Variants in ARHGAP42 observed in about 807,000 individuals in gnomAD.
ARHGAP42 encodes the protein Rho GTPase activating protein 42.
In ARHGAP42, 63 loss-of-function variants were observed where a neutral mutation model predicts 125.0. The observed-to-expected ratio is 0.50, with a 90% confidence interval of 0.41 to 0.62. ARHGAP42 has a LOEUF of 0.62. Among genes scored for constraint, ARHGAP42 ranks in the 20% least tolerant of loss-of-function variants. The pLI, the probability that ARHGAP42 is intolerant of heterozygous loss-of-function variation, is 0.00. For missense variants in ARHGAP42, 766 were observed against 1,024.2 expected, an observed-to-expected ratio of 0.75 and a Z score of 3.44; for synonymous variants, 339 against 351.0, an observed-to-expected ratio of 0.97 and a Z score of 0.38.
intron 5 of ARHGAP42, among the ~76,000 whole-genome samples, chr11:100,917,430 C>A (rs564318973): frequency 5.9e-5 from 9 of 152,256 alleles, no homozygotes; most frequent in Admixed American, 4.6e-4. Context: ...TTGCAATGTC[C>A]TCTGTCTGGT....
At chr11:100,909,047 T>C (rs1458642644) in intron 4 of ARHGAP42, among the ~76,000 whole-genome samples, 3 of 152,198 alleles carry the variant, frequency 2.0e-5, no homozygotes, top group African/African-American at 4.8e-5. Flanking sequence ...GAAGTATCTA[T>C]TCATATCCTC....
intron 10 of ARHGAP42, among the ~76,000 whole-genome samples, chr11:100,947,585 C>T (rs1868059810): frequency 2.6e-5 from 4 of 151,882 alleles, no homozygotes; most frequent in African/African-American, 9.7e-5. Context: ...TACTGATTTT[C>T]AATATTTTAT....
At chr11:100,721,254 C>T (rs914649998) in intron 1 of ARHGAP42, among the ~76,000 whole-genome samples, 3 of 152,144 alleles carry the variant, frequency 2.0e-5, no homozygotes, top group African/African-American at 7.2e-5. Context: ...TGTTCTTCTC[C>T]TAACAACTCT....
chr11:100,730,990 G>T (rs189317703), intron 1 of ARHGAP42, among the ~76,000 whole-genome samples: 1 of 152,068 alleles, frequency 6.6e-6, no homozygotes, highest in East Asian at 1.9e-4. Flanking sequence ...TGTTGACAAA[G>T]GTTTTGCTTT....
At chr11:100,921,235 ATATATATATATTTTTTTTTTTT>A (rs1172869430) in intron 5 of ARHGAP42, among the ~76,000 whole-genome samples, 773 of 33,490 alleles carry the variant, frequency 0.023, 4 homozygotes, top group Admixed American at 0.072. Context: ...ATATATATAT[ATATATATATATTTTTTTTTTTT>A]TTTTTTTTTT....
chr11:100,974,380 T>C, intron 18 of ARHGAP42, 79 bp from the exon 19 acceptor site: 1 of 1,355,792 alleles, frequency 7.4e-7, no homozygotes. Flanking sequence ...TTAAGTAGCA[T>C]ATGGTTCAAA....
At chr11:100,880,747 T>C (rs1313118352) in intron 4 of ARHGAP42, among the ~76,000 whole-genome samples, 1 of 152,206 alleles carries the variant, frequency 6.6e-6, no homozygotes, top group Non-Finnish European at 1.5e-5. Flanking sequence ...ACTGCATCCA[T>C]GCCAACATCT....
In ARHGAP42 at chr11:100,992,536, CT is replaced by C. The variant is rs867337002; in HGVS notation, c.*3736del. On this transcript the variant is annotated 3_prime_UTR_variant, in exon 24 of 24. Coordinates refer to ENST00000298815, the MANE Select transcript of ARHGAP42 (RefSeq NM_152432.4). The stretch of plus-strand genomic sequence containing the variant: ...GTTTTCTGAACATTCTGTGTCCTGC[CT>C]GTCTCCTGTTGATTCGCAGATGTAA... 6.2e-6 allele frequency: 10 copies of C among 1,613,928 alleles called. No individual in the cohort carries two copies. In the African/African-American group the frequency reaches 9.3e-5, roughly 15 times the overall value.
Position 100,790,416 on chromosome 11 carries a change from T to A in ARHGAP42, c.251-4689T>A, listed in dbSNP as rs569263120. ...TAAAAGGAAACCAATGGTAATGTTC[T>A]TAAACTCAATAATTTGTTAGAAAGT... On this transcript the variant is annotated intron_variant, in intron 2 of 23. Coordinates refer to ENST00000298815, the MANE Select transcript of ARHGAP42 (RefSeq NM_152432.4). 7.2e-5 allele frequency among the ~76,000 whole-genome samples: 11 copies of A among 152,308 alleles called. No homozygotes were observed. In the East Asian group the frequency reaches 2.1e-3, roughly 29 times the overall value.
chr11:100,905,043 C>T (rs1393175639), intron 4 of ARHGAP42, among the ~76,000 whole-genome samples: 2 of 152,140 alleles, frequency 1.3e-5, no homozygotes. Flanking sequence ...TGTCAGCATA[C>T]CCTTAGGAAA....
chr11:100,982,261 T>C (rs1261526051), intron 22 of ARHGAP42, among the ~76,000 whole-genome samples: 4 of 152,092 alleles, frequency 2.6e-5, no homozygotes, highest in South Asian at 2.1e-4. Context: ...TAAGACATCA[T>C]TGGAGATCTG....
chr11:100,847,843 A>T (rs1865106148), intron 3 of ARHGAP42, among the ~76,000 whole-genome samples: 1 of 152,184 alleles, frequency 6.6e-6, no homozygotes, highest in Non-Finnish European at 1.5e-5. Context: ...GGGACAGTTT[A>T]TAGATAAGAA....
chr11:100,794,978 AT>A, intron 2 of ARHGAP42, 126 bp from the exon 3 acceptor site: 1 of 606,858 alleles, frequency 1.6e-6, no homozygotes, highest in Non-Finnish European at 2.7e-6. Context: ...GTATATTCAA[AT>A]TAATAGTATA....
At chr11:100,746,454 C>G (rs137903957) in intron 1 of ARHGAP42, among the ~76,000 whole-genome samples, 2 of 152,248 alleles carry the variant, frequency 1.3e-5, no homozygotes, top group Non-Finnish European at 2.9e-5. Context: ...AGGGGACAAT[C>G]TGGGCCTCCG....
rs532009497 is a variant in ARHGAP42, at chr11:100,976,557, T to TG, written c.2236+120_2236+121insG. On this transcript the variant is annotated intron_variant, in intron 20 of 23. Coordinates refer to ENST00000298815, the MANE Select transcript of ARHGAP42 (RefSeq NM_152432.4). ...GGAGAAACTAATGATGCTTATCTAC[T>TG]TTTTTCCTGTGCTTGGATTTTACAA... The TG allele has an allele frequency of 2.5e-4, 344 of 1,362,794 alleles. No homozygotes were observed. The East Asian group carries it at 8.5e-3, about 34-fold the overall frequency. 84.4% of individuals were successfully genotyped at this position (1,362,794 alleles called of 1,614,324 possible). A position where few individuals can be genotyped will look rare whatever the true frequency, so the allele number is the denominator to read the frequency against.
At chr11:100,847,642 A>T (rs1293577013) in intron 3 of ARHGAP42, among the ~76,000 whole-genome samples, 1 of 152,046 alleles carries the variant, frequency 6.6e-6, no homozygotes, top group Non-Finnish European at 1.5e-5. Context: ...ACCTGGAGAG[A>T]TGTGACTGGA....
At chr11:100,866,295 G>A (rs368976135) in intron 4 of ARHGAP42, among the ~76,000 whole-genome samples, 15 of 152,156 alleles carry the variant, frequency 9.9e-5, no homozygotes, top group South Asian at 8.3e-4. Flanking sequence ...CTCCACTGAC[G>A]TCTTCAAACC....
At chr11:100,857,661 C>T (rs374225167) in intron 3 of ARHGAP42, among the ~76,000 whole-genome samples, 2 of 152,198 alleles carry the variant, frequency 1.3e-5, no homozygotes, top group Middle Eastern at 6.8e-3. Context: ...ACCTCATTTG[C>T]CCCAATTCTG....
intron 3 of ARHGAP42, among the ~76,000 whole-genome samples, chr11:100,823,434 A>G (rs1864446829): frequency 6.6e-6 from 1 of 152,164 alleles, no homozygotes; most frequent in Non-Finnish European, 1.5e-5. Context: ...GAGTTAGGGT[A>G]GAAATCATGT....
Sources: allele counts gnomAD v4.1 joint callset (sites outside exome capture counted in the v4.1 genomes callset), GRCh38; gene constraint gnomAD v4.1.1; transcripts MANE v1.5; gene names NCBI Gene and HGNC (gene_info 2026-07-23, HGNC 2026-07-21).